PCNX1: variants seen among roughly 807,000 people sequenced by gnomAD.
The protein encoded by PCNX1 is pecanex-like protein 1.
A neutral mutation model predicts 242.2 loss-of-function variants in PCNX1; 78 were observed. The ratio of observed to expected loss-of-function variants is 0.32; its 90% CI spans 0.27 to 0.39. The LOEUF is 0.39. PCNX1 is among the 10% of genes least tolerant of loss of function. PCNX1 has a pLI of 1.00. For synonymous variants in PCNX1, 1,024 were observed against 1,032.9 expected (o/e 0.99, Z 0.17); for missense variants, 2,581 against 2,856.5 (o/e 0.90, Z 2.20).
At chr14:71,042,410 TTATA>T (rs2060733092) in intron 19 of PCNX1, among the ~76,000 whole-genome samples, 1 of 152,132 alleles carries the variant, frequency 6.6e-6, no homozygotes, top group Non-Finnish European at 1.5e-5. Flanking sequence ...CCCTTTATTA[TTATA>T]TAACGACCTT....
chr14:71,026,190 A>C lies in PCNX1; in HGVS notation c.3257A>C (p.Asp1086Ala), dbSNP rs1566716798. ...CICCGLIWLL[D>A]YGSRNLTATK... ...TGTTGCGGTCTTATTTGGCTCTTGG[A>C]TTATGGTAGCAGAAACCTGACTGCA... Residue 1086 changes from aspartate (D) to alanine (A), a missense_variant, in exon 14 of 36, where the codon GAT becomes GCT. By Grantham distance (126) the Asp-to-Ala change is moderately radical. This residue lies in a region of PCNX1 where 432 missense variants were observed against 443.1 expected (regional missense o/e 0.97). Coordinates refer to ENST00000304743, the MANE Select transcript of PCNX1 (RefSeq NM_014982.3). 1 of 1,611,536 alleles carries C rather than the reference A, an allele frequency of 6.2e-7. No individual in the cohort carries two copies. Among genetic ancestry groups the C allele is most frequent in the East Asian group, 2.2e-5 (1 of 44,804 alleles).
intron 1 of PCNX1, among the ~76,000 whole-genome samples, chr14:70,918,854 A>G (rs1164422448): frequency 2.0e-5 from 3 of 150,702 alleles, no homozygotes; most frequent in Non-Finnish European, 4.4e-5. Context: ...TTCTTATTCA[A>G]TGGAGTGTTC....
At chr14:70,968,139 T>C (rs1440707955) in intron 3 of PCNX1, 59 bp from the exon 4 acceptor site, 1 of 1,163,964 alleles carries the variant, frequency 8.6e-7, no homozygotes, top group Non-Finnish European at 1.3e-6. Context: ...CTAGTGTGTA[T>C]TGATAATGAC....
At chr14:70,913,144 C>CA (rs2055999953) in intron 1 of PCNX1, among the ~76,000 whole-genome samples, 1 of 152,188 alleles carries the variant, frequency 6.6e-6, no homozygotes, top group African/African-American at 2.4e-5. Flanking sequence ...GGGCAGGGGC[C>CA]AGGTCTGATT....
At chr14:70,940,129 A>G (rs1455708728) in intron 1 of PCNX1, among the ~76,000 whole-genome samples, 2 of 152,136 alleles carry the variant, frequency 1.3e-5, no homozygotes, top group African/African-American at 2.4e-5. Context: ...GCCCAATTAC[A>G]TTTAAGGTTA....
chr14:70,945,913 A>G (rs2057438380), intron 1 of PCNX1, among the ~76,000 whole-genome samples: 1 of 152,222 alleles, frequency 6.6e-6, no homozygotes, highest in Admixed American at 6.5e-5. Flanking sequence ...TGTGGGATCT[A>G]GAGCTATAGA....
intron 30 of PCNX1, among the ~76,000 whole-genome samples, chr14:71,090,993 A>G (rs2062114084): frequency 6.6e-6 from 1 of 152,188 alleles, no homozygotes; most frequent in East Asian, 1.9e-4. Flanking sequence ...TTCTGGCCCA[A>G]CACACTTGGA....
At chr14:71,076,162 C>T (rs770274360) in intron 27 of PCNX1, 27 bp from the exon 28 acceptor site, 5 of 1,167,510 alleles carry the variant, frequency 4.3e-6, no homozygotes, top group Non-Finnish European at 6.1e-6. Flanking sequence ...AATCTGAATT[C>T]TTTTTTTTTT....
intron 19 of PCNX1, chr14:71,044,418 A>T (rs2060800368): frequency 6.6e-6 from 1 of 152,356 alleles, no homozygotes; most frequent in Admixed American, 6.5e-5. Flanking sequence ...GGCAGCTCAG[A>T]TGGCAATCCC....
intron 24 of PCNX1, among the ~76,000 whole-genome samples, chr14:71,054,689 T>A (rs1288679501): frequency 2.0e-5 from 3 of 152,186 alleles, no homozygotes; most frequent in African/African-American, 7.2e-5. Context: ...TTCAAGCAGT[T>A]GCACAAATAC....
intron 33 of PCNX1, among the ~76,000 whole-genome samples, chr14:71,105,903 T>C (rs2062603035): frequency 6.7e-6 from 1 of 148,204 alleles, no homozygotes; most frequent in Non-Finnish European, 1.5e-5. Flanking sequence ...TTATTTTATA[T>C]ATATAAATAT....
At chr14:70,925,605 T>C (rs1026408043) in intron 1 of PCNX1, among the ~76,000 whole-genome samples, 1 of 151,004 alleles carries the variant, frequency 6.6e-6, no homozygotes, top group African/African-American at 2.4e-5. Context: ...AGCTCATCTT[T>C]GGTTGCCCTG....
chr14:71,097,634 G>A (rs1451010264), intron 30 of PCNX1, among the ~76,000 whole-genome samples: 1 of 152,012 alleles, frequency 6.6e-6, no homozygotes, highest in Non-Finnish European at 1.5e-5. Flanking sequence ...CTTTTTAATG[G>A]GGTTGTTTTT....
chr14:70,926,925 T>G (rs375823703), intron 1 of PCNX1, among the ~76,000 whole-genome samples: 128 of 152,194 alleles, frequency 8.4e-4, no homozygotes, highest in African/African-American at 3.0e-3. Flanking sequence ...AAACACTGCA[T>G]TGGAGGGAGA....
Position 71,109,992 on chromosome 14 carries a change from A to G in PCNX1, c.*57A>G, listed in dbSNP as rs751212765. 4.0e-6 allele frequency: 6 copies of G among 1,489,210 alleles called. No individual in the cohort carries two copies. In the Admixed American group the frequency reaches 1.0e-4, roughly 25 times the overall value. The allele number at this position is 1,489,210 out of a possible 1,614,324, so 92.2% of individuals were successfully genotyped here. A position where few individuals can be genotyped will look rare whatever the true frequency, so the allele number is the denominator to read the frequency against. On this transcript the variant is annotated 3_prime_UTR_variant, in exon 36 of 36. Coordinates refer to ENST00000304743, the MANE Select transcript of PCNX1 (RefSeq NM_014982.3). The stretch of plus-strand genomic sequence containing the variant: ...CCCTCTCAATTCCAAGGCATTGGAA[A>G]AAGAGAGGAACAAGCAGAAGATGCC...
At chr14:71,091,595 T>C (rs1452040687) in intron 30 of PCNX1, among the ~76,000 whole-genome samples, 1 of 152,228 alleles carries the variant, frequency 6.6e-6, no homozygotes, top group African/African-American at 2.4e-5. Context: ...AGGTATGTCA[T>C]GAATGCATAA....
chr14:71,102,476 G>A (rs1421957643), intron 31 of PCNX1, among the ~76,000 whole-genome samples: 3 of 151,944 alleles, frequency 2.0e-5, no homozygotes, highest in African/African-American at 7.3e-5. Flanking sequence ...ATGTTGCCCA[G>A]GCTGGTCTCA....
At chr14:71,009,056 T>C (rs1328274257) in intron 8 of PCNX1, among the ~76,000 whole-genome samples, 1 of 152,242 alleles carries the variant, frequency 6.6e-6, no homozygotes, top group Non-Finnish European at 1.5e-5. Context: ...TTGCTGTTTC[T>C]AAATTTTTCA....
intron 26 of PCNX1, among the ~76,000 whole-genome samples, chr14:71,064,701 G>A (rs1009808915): frequency 2.6e-5 from 4 of 152,136 alleles, no homozygotes; most frequent in African/African-American, 4.8e-5. Context: ...CACATGCCAT[G>A]GAGGCTTGCT....
Sources: allele counts gnomAD v4.1 joint callset (sites outside exome capture counted in the v4.1 genomes callset), GRCh38; gene constraint gnomAD v4.1.1; regional missense constraint gnomAD v4.1.1; transcripts MANE v1.5; gene names NCBI Gene and HGNC (gene_info 2026-07-23, HGNC 2026-07-21).